Variants in FSIP1 observed in about 807,000 individuals in gnomAD.
FSIP1 encodes fibrous sheath-interacting protein 1.
FSIP1 carries 65 observed loss-of-function variants against 60.9 expected under a neutral mutation model. The observed-to-expected ratio is 1.07, with a 90% CI of 0.87 to 1.31. The LOEUF (loss-of-function observed/expected upper bound fraction) is 1.31, where lower values mean the gene tolerates loss of function less well. Ranked by LOEUF, FSIP1 falls within the 40% of genes most tolerant of loss-of-function variation. The pLI is 0.00. For synonymous variants in FSIP1, 209 were observed against 221.2 expected (o/e 0.94, Z 0.49); for missense variants, 675 against 665.5 (o/e 1.01, Z -0.16).
At chr15:39,646,660 C>T (rs1158395172) in intron 10 of FSIP1, among the ~76,000 whole-genome samples, 1 of 150,200 alleles carries the variant, frequency 6.7e-6, no homozygotes, top group African/African-American at 2.5e-5. Flanking sequence ...TGCACCACTG[C>T]ATTCCAGCAT....
rs36049904 is a variant in FSIP1, at chr15:39,646,705, TAA to T, written c.1189-28462_1189-28461del. On this transcript the variant is annotated intron_variant, in intron 10 of 11. Coordinates refer to ENST00000350221, the MANE Select transcript of FSIP1 (RefSeq NM_152597.5). ...AGTGACACTGTGACACACTGTCTCT[TAA>T]AAAAAAAAAAAAAGTCTAATGGAAA... Among the ~76,000 whole-genome samples the T allele has an allele frequency of 4.0e-3, 554 of 137,992 alleles. 6 individuals are homozygous for T. Among genetic ancestry groups the T allele is most frequent in the African/African-American group, 0.012 (468 of 37,918 alleles). 90.5% of individuals were successfully genotyped at this position (137,992 alleles called of 152,430 possible).
chr15:39,650,817 C>T (rs942934307), intron 10 of FSIP1, among the ~76,000 whole-genome samples: 1 of 152,236 alleles, frequency 6.6e-6, no homozygotes, highest in African/African-American at 2.4e-5. Context: ...TCGGAAGTCT[C>T]TGTGCTCTGC....
At chr15:39,652,193 T>C (rs1308196878) in intron 10 of FSIP1, among the ~76,000 whole-genome samples, 1 of 152,200 alleles carries the variant, frequency 6.6e-6, no homozygotes, top group Non-Finnish European at 1.5e-5. Flanking sequence ...AAGTTAAGTC[T>C]GAAGGGGAGG....
intron 10 of FSIP1, among the ~76,000 whole-genome samples, chr15:39,623,292 T>C (rs918796860): frequency 1.3e-5 from 2 of 152,206 alleles, no homozygotes; most frequent in Admixed American, 6.5e-5. Flanking sequence ...CTGGTGCAGA[T>C]AATCAGAAAG....
rs534974332 is a variant in FSIP1, at chr15:39,617,871, A to G, written c.1563T>C (p.Tyr521=). 1.2e-6 allele frequency: 2 copies of G among 1,614,052 alleles called. No homozygotes were observed. Among genetic ancestry groups the G allele is most frequent in the Admixed American group, 1.7e-5 (1 of 60,008 alleles). Residue 521 remains tyrosine, a synonymous_variant, in exon 11 of 12, where the codon TAT becomes TAC. Transcript: ENST00000350221. ...KDVIISDTKD[Y]FMSKTLGIGR... Reference sequence around the variant, plus strand: ...CAATGCCAAGAGTCTTCGACATAAAATAGTCTTTTGTGTCACTAATAATAA... The same window carrying G: ...CAATGCCAAGAGTCTTCGACATAAAGTAGTCTTTTGTGTCACTAATAATAA...
At chr15:39,725,449 C>A (rs1355077460) in intron 9 of FSIP1, among the ~76,000 whole-genome samples, 1 of 152,214 alleles carries the variant, frequency 6.6e-6, no homozygotes, top group Non-Finnish European at 1.5e-5. Context: ...CTTCACACTG[C>A]TCCTTTCCCC....
chr15:39,598,053 C>T (rs946224214), downstream of FSIP1: 39 of 152,134 alleles, frequency 2.6e-4, no homozygotes, highest in African/African-American at 7.0e-4. Context: ...TCCATAAATG[C>T]GTGTGTGTCT....
intron 10 of FSIP1, among the ~76,000 whole-genome samples, chr15:39,643,391 T>C (rs986736963): frequency 6.6e-6 from 1 of 152,162 alleles, no homozygotes; most frequent in Admixed American, 6.5e-5. Context: ...TAGAAAATAT[T>C]TGTGCACACA....
At chr15:39,725,330 A>C (rs1463786442) in intron 9 of FSIP1, among the ~76,000 whole-genome samples, 1 of 152,246 alleles carries the variant, frequency 6.6e-6, no homozygotes, top group Non-Finnish European at 1.5e-5. Flanking sequence ...GCAGAATTTC[A>C]AATCAATAGT....
chr15:39,778,965 T>G (rs1339260503), intron 1 of FSIP1, among the ~76,000 whole-genome samples: 1 of 152,076 alleles, frequency 6.6e-6, no homozygotes, highest in East Asian at 1.9e-4. Flanking sequence ...AGCGTGATAC[T>G]AAGAATATAA....
intron 10 of FSIP1, among the ~76,000 whole-genome samples, chr15:39,707,105 GC>G (rs1348991841): frequency 6.6e-6 from 1 of 151,930 alleles, no homozygotes; most frequent in Non-Finnish European, 1.5e-5. Context: ...CAGTTCCTCT[GC>G]CCCCTTGATC....
chr15:39,653,021 C>T (rs1047741171), intron 10 of FSIP1, among the ~76,000 whole-genome samples: 2 of 151,662 alleles, frequency 1.3e-5, no homozygotes, highest in Non-Finnish European at 2.9e-5. Flanking sequence ...ACAAAAAATA[C>T]AAAAATTACT....
At chr15:39,718,113 C>T (rs1345368002) in intron 9 of FSIP1, among the ~76,000 whole-genome samples, 1 of 152,012 alleles carries the variant, frequency 6.6e-6, no homozygotes, top group Non-Finnish European at 1.5e-5. Context: ...ACTGTTAGCT[C>T]CTTTAAATCT....
chr15:39,611,700 G>T (rs895507024), intron 11 of FSIP1, among the ~76,000 whole-genome samples: 1 of 152,152 alleles, frequency 6.6e-6, no homozygotes, highest in Non-Finnish European at 1.5e-5. Context: ...AAAGTCGCTA[G>T]TCAAAACACA....
intron 5 of FSIP1, among the ~76,000 whole-genome samples, chr15:39,749,357 C>T (rs894885689): frequency 1.3e-5 from 2 of 149,346 alleles, no homozygotes; most frequent in Non-Finnish European, 3.0e-5. Context: ...AGACCCAACA[C>T]AAAAAAGAAA....
At position 39,611,232 on chromosome 15, in the gene FSIP1, G is replaced by A. The variant is rs183962084; in HGVS notation, c.1699+6503C>T. On this transcript the variant is annotated intron_variant, in intron 11 of 11. Transcript: ENST00000350221. Reference sequence around the variant, plus strand: ...ATCTAAATCATAAAAGTTGTCGGGGGGAGGGCGTTAAAGTATTGAGATTTT... The same window carrying A: ...ATCTAAATCATAAAAGTTGTCGGGGAGAGGGCGTTAAAGTATTGAGATTTT... 1.6e-4 allele frequency among the ~76,000 whole-genome samples: 24 copies of A among 152,118 alleles called. No homozygotes were observed. In the Middle Eastern group the frequency reaches 0.017, roughly 108 times the overall value.
intron 10 of FSIP1, among the ~76,000 whole-genome samples, chr15:39,710,515 T>C (rs534118064): frequency 1.3e-5 from 2 of 150,216 alleles, no homozygotes; most frequent in East Asian, 3.9e-4. Context: ...GACAACAGCC[T>C]CTGAAAGTGT....
At chr15:39,711,765 A>G (rs1895523126) in intron 10 of FSIP1, among the ~76,000 whole-genome samples, 1 of 140,974 alleles carries the variant, frequency 7.1e-6, no homozygotes, top group Admixed American at 7.9e-5. Context: ...GCTCACTGCA[A>G]TCTCTGCCTC....
chr15:39,628,370 T>C (rs1206869776), intron 10 of FSIP1, among the ~76,000 whole-genome samples: 1 of 152,192 alleles, frequency 6.6e-6, no homozygotes, highest in Non-Finnish European at 1.5e-5. Flanking sequence ...CGGCATGTTG[T>C]TCAGTGCCAA....
Sources: gnomAD v4.1 joint callset for allele counts (sites outside exome capture counted in the v4.1 genomes callset) on GRCh38, gnomAD v4.1.1 for gene constraint, MANE v1.5 for transcripts, NCBI Gene and HGNC (gene_info 2026-07-23, HGNC 2026-07-21) for gene names.